Variants in DENND1A observed in about 807,000 individuals in gnomAD.
DENND1A encodes DENN domain containing 1A, also known as DENN domain-containing protein 1A.
DENND1A carries 51 observed loss-of-function variants against 113.7 expected under a neutral mutation model. The observed-to-expected ratio is 0.45, with a 90% CI of 0.36 to 0.57. DENND1A has a LOEUF of 0.57. Among genes scored for constraint, DENND1A ranks in the 20% least tolerant of loss-of-function variants. The pLI is 0.00. For missense variants in DENND1A, 1,258 were observed against 1,395.9 expected (o/e 0.90, Z 1.57); for synonymous variants, 565 against 570.8 (o/e 0.99, Z 0.14).
intron 1 of DENND1A, among the ~76,000 whole-genome samples, chr9:123,897,421 G>A (rs1479567484): frequency 2.0e-5 from 3 of 151,890 alleles, no homozygotes; most frequent in African/African-American, 7.3e-5. Context: ...AGTGAGGGAA[G>A]GAACCTTTCC....
intron 11 of DENND1A, among the ~76,000 whole-genome samples, chr9:123,589,755 G>A (rs889030890): frequency 4.1e-5 from 6 of 147,876 alleles, no homozygotes; most frequent in African/African-American, 1.5e-4. Context: ...CATATATATT[G>A]TTAATGAAGA....
At chr9:123,444,754 T>C (rs2047176050) in intron 18 of DENND1A, among the ~76,000 whole-genome samples, 1 of 152,270 alleles carries the variant, frequency 6.6e-6, no homozygotes, top group Non-Finnish European at 1.5e-5. Flanking sequence ...GATTATTTTT[T>C]GTTCCTCTGA....
intron 5 of DENND1A, among the ~76,000 whole-genome samples, chr9:123,711,221 T>C (rs2066564859): frequency 6.6e-6 from 1 of 151,470 alleles, no homozygotes; most frequent in Non-Finnish European, 1.5e-5. Flanking sequence ...TCCCAGCACT[T>C]TGGGAGGCTG....
chr9:123,563,473 C>A (rs1485331355), intron 12 of DENND1A, among the ~76,000 whole-genome samples: 5 of 152,142 alleles, frequency 3.3e-5, no homozygotes, highest in Admixed American at 3.3e-4. Flanking sequence ...AGCTTTAGTT[C>A]TTTGGCTGTA....
chr9:123,671,189 G>C, intron 7 of DENND1A, 102 bp downstream of exon 7: 1 of 1,346,702 alleles, frequency 7.4e-7, no homozygotes, highest in South Asian at 1.2e-5. Context: ...GTAGGGTTAG[G>C]GGAGGTATGG....
chr9:123,629,010 A>G (rs2061363236), intron 10 of DENND1A, among the ~76,000 whole-genome samples: 1 of 152,222 alleles, frequency 6.6e-6, no homozygotes, highest in South Asian at 2.1e-4. Flanking sequence ...TGTCCTTGTT[A>G]TCTCCATGGC....
chr9:123,713,161 T>C (rs927211493), intron 5 of DENND1A, among the ~76,000 whole-genome samples: 16 of 152,192 alleles, frequency 1.1e-4, no homozygotes, highest in African/African-American at 1.9e-4. Flanking sequence ...GAAAAAGTTA[T>C]AGCTGCTACC....
intron 5 of DENND1A, among the ~76,000 whole-genome samples, chr9:123,742,654 A>G (rs1476210507): frequency 1.3e-5 from 2 of 152,188 alleles, no homozygotes; most frequent in Non-Finnish European, 2.9e-5. Context: ...AAAAGTGCAG[A>G]CAGCTCCCCA....
At position 123,889,388 on chromosome 9, in the gene DENND1A, A is replaced by G. The variant is rs1056977773; in HGVS notation, c.18-10367T>C. Among the ~76,000 whole-genome samples, 10 of 152,354 alleles carry G rather than the reference A, an allele frequency of 6.6e-5. No homozygotes were observed. In the East Asian group the frequency reaches 1.7e-3, roughly 26 times the overall value. On this transcript the variant is annotated intron_variant, in intron 1 of 23. Transcript: ENST00000394215. ...AATGTAAAGGGTATTATCACGTATC[A>G]TATAAAAATAAAATGGCTTCACCTT...
rs543475331 is a variant in DENND1A at position 123,674,083 on chromosome 9, C to T, written c.372+2637G>A. On this transcript the variant is annotated intron_variant, in intron 6 of 23. Coordinates refer to ENST00000394215, the MANE Select transcript of DENND1A (RefSeq NM_001352964.2). Reference sequence around the variant, plus strand: ...CTTCTAGATCCTATTTGAGTTCTGACATCCCATGCTGAGCCTCTACCACCA... The same window carrying T: ...CTTCTAGATCCTATTTGAGTTCTGATATCCCATGCTGAGCCTCTACCACCA... Among the ~76,000 whole-genome samples, 25 of 152,226 alleles carry T rather than the reference C, an allele frequency of 1.6e-4. No homozygotes were observed. In the South Asian group the frequency reaches 4.8e-3, roughly 29 times the overall value.
intron 5 of DENND1A, among the ~76,000 whole-genome samples, chr9:123,727,958 T>C (rs1270212958): frequency 2.0e-5 from 3 of 151,602 alleles, no homozygotes; most frequent in Non-Finnish European, 2.9e-5. Context: ...TACAAAATAT[T>C]AGCCAGGCAT....
intron 11 of DENND1A, among the ~76,000 whole-genome samples, chr9:123,594,113 T>C (rs539364625): frequency 6.6e-6 from 1 of 152,318 alleles, no homozygotes; most frequent in South Asian, 2.1e-4. Context: ...CAGTCTCAAG[T>C]AGTTCTTTAT....
At chr9:123,877,310 A>C (rs1489980427) in intron 2 of DENND1A, among the ~76,000 whole-genome samples, 1 of 151,916 alleles carries the variant, frequency 6.6e-6, no homozygotes, top group East Asian at 1.9e-4. Context: ...CAACATAGTG[A>C]AACCCCGTCT....
chr9:123,735,068 G>A (rs767164611), intron 5 of DENND1A, among the ~76,000 whole-genome samples: 23 of 152,110 alleles, frequency 1.5e-4, no homozygotes, highest in Non-Finnish European at 2.8e-4. Context: ...GATGGGATTT[G>A]AACCTTCTGA....
intron 19 of DENND1A, among the ~76,000 whole-genome samples, chr9:123,437,079 G>C (rs1443074653): frequency 6.6e-6 from 1 of 152,170 alleles, no homozygotes; most frequent in Non-Finnish European, 1.5e-5. Context: ...GGAGCCTCTG[G>C]GGGGCCCTGG....
rs540849013 is a variant in DENND1A at position 123,454,766 on chromosome 9, C to T, written c.1200G>A (p.Leu400=). Residue 400 remains leucine (L), a synonymous_variant, in exon 16 of 24, where the codon CTG becomes CTA. Coordinates refer to ENST00000394215, the MANE Select transcript of DENND1A (RefSeq NM_001352964.2). ...GGACAGTGGAGAGCCACTGATGGTACAGTTTGTCACTGCCTGGGGAAAGAG... is the reference window on the plus strand; with the variant it reads ...GGACAGTGGAGAGCCACTGATGGTATAGTTTGTCACTGCCTGGGGAAAGAG... ...NMGEYAGSDK[L]YHQWLSTVRK... is the part of the protein sequence containing the mutation. 3.3e-5 allele frequency: 51 copies of T among 1,554,656 alleles called. No individual in the cohort carries two copies. In the Middle Eastern group the frequency reaches 5.0e-4, roughly 15 times the overall value.
chr9:123,646,964 T>C (rs758595998), intron 9 of DENND1A, among the ~76,000 whole-genome samples: 4 of 152,102 alleles, frequency 2.6e-5, no homozygotes, highest in African/African-American at 4.8e-5. Context: ...TTCCATTAGA[T>C]GGGTATAGAA....
At chr9:123,912,568 G>T (rs1330320422) in intron 1 of DENND1A, among the ~76,000 whole-genome samples, 1 of 152,140 alleles carries the variant, frequency 6.6e-6, no homozygotes, top group African/African-American at 2.4e-5. Context: ...TAAAAGACAA[G>T]GAGAAAGCCT....
intron 1 of DENND1A, among the ~76,000 whole-genome samples, chr9:123,879,574 A>ACACACACAC (rs1439718537): frequency 2.0e-5 from 3 of 152,142 alleles, no homozygotes; most frequent in Middle Eastern, 3.4e-3. Flanking sequence ...ACACACACAC[A>ACACACACAC]AATTGTCTAG....
Sources: gnomAD v4.1 joint callset for allele counts (sites outside exome capture counted in the v4.1 genomes callset) on GRCh38, gnomAD v4.1.1 for gene constraint, MANE v1.5 for transcripts, NCBI Gene and HGNC (gene_info 2026-07-23, HGNC 2026-07-21) for gene names.